Variants in VWC2L observed in about 807,000 individuals in gnomAD.
VWC2L encodes the protein von Willebrand factor C domain-containing protein 2-like.
A neutral mutation model predicts 21.6 loss-of-function variants in VWC2L; 10 were observed. The observed-to-expected ratio is 0.46, with a 90% CI of 0.29 to 0.78. The LOEUF (loss-of-function observed/expected upper bound fraction) is 0.78, where lower values mean the gene tolerates loss of function less well. VWC2L is among the 30% of genes least tolerant of loss of function. VWC2L has a pLI of 0.10. For synonymous variants in VWC2L, 96 were observed against 94.3 expected, an observed-to-expected ratio of 1.02 and a Z score of -0.10; for missense variants, 209 against 277.1, an observed-to-expected ratio of 0.75 and a Z score of 1.74.
At chr2:214,555,010 C>T (rs1689853067) in intron 3 of VWC2L, among the ~76,000 whole-genome samples, 1 of 152,172 alleles carries the variant, frequency 6.6e-6, no homozygotes, top group South Asian at 2.1e-4. Context: ...AAGTTTGGCA[C>T]ATGTCTGATA....
rs1553600339 is a variant in VWC2L at position 214,532,919 on chromosome 2, C to CCTAGACAGAGGGGACCCTGTG, written c.521-42748_521-42747insCAGAGGGGACCCTGTGCTAGA. On this transcript the variant is annotated intron_variant, in intron 3 of 3. Transcript: ENST00000312504. Reference sequence around the variant, plus strand: ...GGAAATACAGATGCTGGAGCAGTGACCTAGAGAGAGGGGACCCTGACAGGC... The same window carrying CCTAGACAGAGGGGACCCTGTG: ...GGAAATACAGATGCTGGAGCAGTGACCTAGACAGAGGGGACCCTGTGCTAGAGAGAGGGGACCCTGACAGGC... Among the ~76,000 whole-genome samples the CCTAGACAGAGGGGACCCTGTG allele has an allele frequency of 4.9e-4, 3 of 6,136 alleles. No homozygotes were observed. The East Asian group carries it at 0.026, about 53-fold the overall frequency. The allele number at this position is 6,136 out of a possible 152,430, so 4.0% of individuals were successfully genotyped here.
At chr2:214,420,058 CA>C (rs1559285153) in intron 2 of VWC2L, among the ~76,000 whole-genome samples, 1 of 151,260 alleles carries the variant, frequency 6.6e-6, no homozygotes, top group African/African-American at 2.4e-5. Context: ...GACTCTGTTC[CA>C]AAAAAAGAAA....
At chr2:214,550,168 G>A (rs1216656015) in intron 3 of VWC2L, among the ~76,000 whole-genome samples, 1 of 152,150 alleles carries the variant, frequency 6.6e-6, no homozygotes, top group Non-Finnish European at 1.5e-5. Context: ...ACAATCCCTA[G>A]GGCTGTGCTG....
intron 3 of VWC2L, among the ~76,000 whole-genome samples, chr2:214,521,232 A>AAGAT (rs1196917500): frequency 1.2e-4 from 14 of 121,142 alleles, no homozygotes; most frequent in Admixed American, 4.3e-4. Flanking sequence ...CTCCATCTCA[A>AAGAT]AGATAAATAA....
At chr2:214,500,218 A>G (rs745699281) in intron 3 of VWC2L, among the ~76,000 whole-genome samples, 5 of 152,262 alleles carry the variant, frequency 3.3e-5, no homozygotes, top group Admixed American at 1.3e-4. Flanking sequence ...AGCATAAACT[A>G]CATACTATTA....
At chr2:214,512,946 A>G (rs1689079023) in intron 3 of VWC2L, among the ~76,000 whole-genome samples, 1 of 152,132 alleles carries the variant, frequency 6.6e-6, no homozygotes, top group African/African-American at 2.4e-5. Flanking sequence ...TCCTTACAGA[A>G]TCCACTGAAA....
chr2:214,498,128 C>G (rs1258870262), intron 3 of VWC2L, among the ~76,000 whole-genome samples: 4 of 152,150 alleles, frequency 2.6e-5, no homozygotes, highest in Non-Finnish European at 5.9e-5. Flanking sequence ...GGCAGAGAAG[C>G]ACCTAGGAGA....
chr2:214,566,589 T>A (rs1354098486), intron 3 of VWC2L, among the ~76,000 whole-genome samples: 1 of 152,154 alleles, frequency 6.6e-6, no homozygotes, highest in Non-Finnish European at 1.5e-5. Context: ...AAGCTGTTTG[T>A]TTTTAGGTCT....
chr2:214,436,309 T>C (rs1047802914), intron 2 of VWC2L: 50 of 225,952 alleles, frequency 2.2e-4, no homozygotes, highest in African/African-American at 1.0e-3. Context: ...GTCAGAGCAA[T>C]CAGTACATCT....
chr2:214,575,928 G>A lies in VWC2L; in HGVS notation c.*108G>A, dbSNP rs1424872367. ...AACAAACTCCTGCCAGCTACAACAG[G>A]GTCACCAGCAAAACTTTCTAGGGTT... On this transcript the variant is annotated 3_prime_UTR_variant, in exon 4 of 4. Transcript: ENST00000312504. 3 of 1,318,110 alleles carry A rather than the reference G, an allele frequency of 2.3e-6. No individual in the cohort carries two copies. The highest frequency in any genetic ancestry group is 3.1e-6 in the Non-Finnish European group (3 of 975,026). The allele number at this position is 1,318,110 out of a possible 1,614,324, so 81.7% of individuals were successfully genotyped here.
intron 3 of VWC2L, among the ~76,000 whole-genome samples, chr2:214,475,369 A>G (rs1574585259): frequency 6.6e-6 from 1 of 151,132 alleles, no homozygotes; most frequent in African/African-American, 2.4e-5. Flanking sequence ...TTGTTAGTAA[A>G]CTAAAACCAA....
At chr2:214,551,987 A>G (rs1689802125) in intron 3 of VWC2L, among the ~76,000 whole-genome samples, 1 of 152,228 alleles carries the variant, frequency 6.6e-6, no homozygotes, top group Non-Finnish European at 1.5e-5. Flanking sequence ...CCCCATCCTT[A>G]TCTTTGTATT....
chr2:214,420,428 A>C (rs1042846476), intron 2 of VWC2L, among the ~76,000 whole-genome samples: 1 of 152,148 alleles, frequency 6.6e-6, no homozygotes, highest in African/African-American at 2.4e-5. Flanking sequence ...AGTTGAGGGG[A>C]CTAACAGGTA....
chr2:214,552,102 T>A (rs560608812), intron 3 of VWC2L, among the ~76,000 whole-genome samples: 3 of 152,230 alleles, frequency 2.0e-5, no homozygotes, highest in Non-Finnish European at 4.4e-5. Context: ...CTGCTGCTGG[T>A]CCGGAGATCA....
At chr2:214,561,791 TATATATATATATA>T (rs1689977225) in intron 3 of VWC2L, among the ~76,000 whole-genome samples, 1 of 8,940 alleles carries the variant, frequency 1.1e-4, no homozygotes, top group African/African-American at 1.7e-4. Flanking sequence ...AAATTATATA[TATATATATATATA>T]TATATACACA....
chr2:214,533,069 A>G (rs184775622), intron 3 of VWC2L, among the ~76,000 whole-genome samples: 1 of 152,034 alleles, frequency 6.6e-6, no homozygotes, highest in Admixed American at 6.6e-5. Context: ...CAACCTCTAC[A>G]AGTGAGCAGA....
intron 3 of VWC2L, among the ~76,000 whole-genome samples, chr2:214,506,005 T>G (rs1688963016): frequency 6.6e-6 from 1 of 152,206 alleles, no homozygotes; most frequent in Admixed American, 6.5e-5. Context: ...CCCAGTAATC[T>G]GGCTTTATTG....
At chr2:214,420,015 C>T (rs4130287) in intron 2 of VWC2L, among the ~76,000 whole-genome samples, 13,118 of 151,906 alleles carry the variant, frequency 0.086, 1,058 homozygotes, top group East Asian at 0.31. Flanking sequence ...GCAGAGATTG[C>T]GCCACTGCAC....
At chr2:214,567,542 CCACATA>C (rs1251395214) in intron 3 of VWC2L, among the ~76,000 whole-genome samples, 23 of 86,760 alleles carry the variant, frequency 2.7e-4, no homozygotes, top group African/African-American at 8.8e-4. Context: ...ACCCCTTCAT[CCACATA>C]CACACACACA....
Sources: gnomAD v4.1 joint callset for allele counts (sites outside exome capture counted in the v4.1 genomes callset) on GRCh38, gnomAD v4.1.1 for gene constraint, MANE v1.5 for transcripts, NCBI Gene and HGNC (gene_info 2026-07-23, HGNC 2026-07-21) for gene names.